SDK2: variants seen among roughly 807,000 people sequenced by gnomAD.
The protein encoded by SDK2 is sidekick cell adhesion molecule 2, also known as protein sidekick-2.
SDK2 carries 105 observed loss-of-function variants against 253.9 expected under a neutral mutation model. The ratio of observed to expected loss-of-function variants is 0.41; its 90% confidence interval spans 0.35 to 0.49. SDK2 has a LOEUF of 0.49. Among genes scored for constraint, SDK2 ranks in the 20% least tolerant of loss-of-function variants. The pLI is 0.06. For synonymous variants in SDK2, 1,249 were observed against 1,234.9 expected, an observed-to-expected ratio of 1.01 and a Z score of -0.24; for missense variants, 2,608 against 3,003.0, an observed-to-expected ratio of 0.87 and a Z score of 3.07.
chr17:73,335,651 G>C lies in SDK2; in HGVS notation c.*2936C>G, dbSNP rs1172711840. 1 of 152,266 alleles carries C rather than the reference G, an allele frequency of 6.6e-6. No homozygotes were observed. The highest frequency in any genetic ancestry group is 1.9e-4 in the East Asian group (1 of 5,198). 9.4% of individuals were successfully genotyped at this position (152,266 alleles called of 1,614,324 possible). On this transcript the variant is annotated 3_prime_UTR_variant, in exon 45 of 45. Transcript: ENST00000392650. Reference sequence around the variant, plus strand: ...TTCCAGATGAGTGGGTATTGACTAAGTGTGGGACTTTCACCATGGGCCCAG... The same window carrying C: ...TTCCAGATGAGTGGGTATTGACTAACTGTGGGACTTTCACCATGGGCCCAG...
intron 16 of SDK2, among the ~76,000 whole-genome samples, chr17:73,416,257 C>T (rs1023089631): frequency 2.8e-5 from 4 of 142,292 alleles, no homozygotes; most frequent in Non-Finnish European, 4.5e-5. Context: ...AGCGCAGTGG[C>T]GCAATCTCGG....
chr17:73,352,641 C>T lies in SDK2; in HGVS notation c.5594-4G>A, dbSNP rs138870611. 1.2e-4 allele frequency: 197 copies of T among 1,613,472 alleles called. 1 individual carries two copies. In the African/African-American group the frequency reaches 2.4e-3, roughly 19 times the overall value. On this transcript the variant is annotated splice_polypyrimidine_tract_variant and splice_region_variant and intron_variant, in intron 40 of 44. Coordinates refer to ENST00000392650, the MANE Select transcript of SDK2 (RefSeq NM_001144952.2). The surrounding 1 kb of genome is among the most constrained non-coding windows in gnomAD (Gnocchi z 4.1). Reference sequence around the variant, plus strand: ...AGGATGTCCCATAGTCCCTCGTCTGCAGGAGCACAGAGATGGAGGCCCTGG... The same window carrying T: ...AGGATGTCCCATAGTCCCTCGTCTGTAGGAGCACAGAGATGGAGGCCCTGG...
At chr17:73,362,288 A>C (rs1232458740) in intron 38 of SDK2, among the ~76,000 whole-genome samples, 1 of 152,120 alleles carries the variant, frequency 6.6e-6, no homozygotes, top group Non-Finnish European at 1.5e-5. Context: ...AAATACCAAA[A>C]GCCCAGAGTT....
In SDK2 at chr17:73,570,687, C is replaced by G. The variant is rs866790328; in HGVS notation, c.65-63090G>C. On this transcript the variant is annotated intron_variant, in intron 1 of 44. Coordinates refer to ENST00000392650, the MANE Select transcript of SDK2 (RefSeq NM_001144952.2). The surrounding 1 kb of genome is among the most constrained non-coding windows in gnomAD (Gnocchi z 4.2). The stretch of plus-strand genomic sequence containing the variant: ...TGTTTTACAGATGGGAAGGCTGAGG[C>G]TCAGAGAAGATCAAGTCCTTGCCCG... Among the ~76,000 whole-genome samples the G allele has an allele frequency of 5.9e-5, 9 of 152,334 alleles. No homozygotes were observed. The highest frequency in any genetic ancestry group is 1.9e-4 in the African/African-American group (8 of 41,582).
At chr17:73,339,759 G>GT (rs1404148310) in intron 44 of SDK2, among the ~76,000 whole-genome samples, 1 of 152,264 alleles carries the variant, frequency 6.6e-6, no homozygotes, top group East Asian at 1.9e-4. Context: ...CTCTCCTTAT[G>GT]TTGCCCAGGC....
At chr17:73,350,619 C>A in intron 42 of SDK2, 31 bp downstream of exon 42, 3 of 1,597,878 alleles carry the variant, frequency 1.9e-6, no homozygotes, top group Non-Finnish European at 2.6e-6. Context: ...AACTCAAGTC[C>A]AGCCAGCATG....
chr17:73,357,084 C>A (rs2062598111), intron 40 of SDK2, among the ~76,000 whole-genome samples: 1 of 152,214 alleles, frequency 6.6e-6, no homozygotes, highest in South Asian at 2.1e-4. Flanking sequence ...GCCCCGCATG[C>A]ATCCTCCGGC....
At chr17:73,386,225 G>C (rs921877748) in intron 31 of SDK2, among the ~76,000 whole-genome samples, 1 of 152,216 alleles carries the variant, frequency 6.6e-6, no homozygotes, top group Non-Finnish European at 1.5e-5. Flanking sequence ...TGTGGGACAG[G>C]AGGAATACGC....
chr17:73,626,312 G>T (rs886414024), intron 1 of SDK2, among the ~76,000 whole-genome samples: 11 of 152,176 alleles, frequency 7.2e-5, no homozygotes, highest in African/African-American at 2.7e-4. Context: ...GAGGACAGGG[G>T]CCAGTTGTCT....
At chr17:73,400,551 C>T (rs1327858467) in intron 21 of SDK2, among the ~76,000 whole-genome samples, 2 of 152,126 alleles carry the variant, frequency 1.3e-5, no homozygotes, top group Non-Finnish European at 2.9e-5. Context: ...GACCTGGGAT[C>T]CCAGGGATTC....
intron 1 of SDK2, among the ~76,000 whole-genome samples, chr17:73,611,393 G>C (rs1159474148): frequency 2.0e-5 from 3 of 152,202 alleles, no homozygotes; most frequent in Admixed American, 6.5e-5. Flanking sequence ...GCACGCCCCA[G>C]GGCCACTCAG....
In SDK2 at chr17:73,467,556, C is replaced by T. The variant is rs1415203242; in HGVS notation, c.331+4556G>A. ...GGCCCAGAATCCCAGGGAAGTGGGGCTGGGACAGAGGATTCTTCAGCTTCT... is the reference window on the plus strand; with the variant it reads ...GGCCCAGAATCCCAGGGAAGTGGGGTTGGGACAGAGGATTCTTCAGCTTCT... On this transcript the variant is annotated intron_variant, in intron 3 of 44. Coordinates refer to ENST00000392650, the MANE Select transcript of SDK2 (RefSeq NM_001144952.2). This position sits in a 1 kb window ranked among gnomAD's most constrained non-coding sequence, Gnocchi z 4.1. Among the ~76,000 whole-genome samples, 1 of 152,090 alleles carries T rather than the reference C, an allele frequency of 6.6e-6. No individual in the cohort carries two copies. The highest frequency in any genetic ancestry group is 1.5e-5 in the Non-Finnish European group (1 of 68,012).
chr17:73,423,596 T>C, intron 13 of SDK2, 74 bp from the exon 14 acceptor site: 1 of 1,427,202 alleles, frequency 7.0e-7, no homozygotes, highest in Admixed American at 2.5e-5. Context: ...TGGACACAGG[T>C]TGTGTAGGCC....
Position 73,438,174 on chromosome 17 carries a change from G to T in SDK2, c.726-20C>A. 1 of 1,544,556 alleles carries T rather than the reference G, an allele frequency of 6.5e-7. No individual in the cohort carries two copies. Among genetic ancestry groups the T allele is most frequent in the Non-Finnish European group, 8.8e-7 (1 of 1,141,984 alleles). On this transcript the variant is annotated intron_variant, in intron 6 of 44. Coordinates refer to ENST00000392650, the MANE Select transcript of SDK2 (RefSeq NM_001144952.2). ...AGGGGCCTGCAGAGGGCAAGGGAAG[G>T]CCAGTGTTCAGCCATGAGGACTCCC...
At chr17:73,566,709 G>A (rs1290506282) in intron 1 of SDK2, among the ~76,000 whole-genome samples, 1 of 152,080 alleles carries the variant, frequency 6.6e-6, no homozygotes, top group African/African-American at 2.4e-5. Flanking sequence ...CTGTGTCTAT[G>A]GCTTAGGGCT....
intron 1 of SDK2, among the ~76,000 whole-genome samples, chr17:73,597,626 G>C (rs1210793532): frequency 6.6e-6 from 1 of 151,440 alleles, no homozygotes; most frequent in Non-Finnish European, 1.5e-5. Context: ...TTTTCACTGT[G>C]TGCTTCTGGA....
intron 1 of SDK2, among the ~76,000 whole-genome samples, chr17:73,583,458 A>G (rs1479093712): frequency 1.3e-5 from 2 of 151,984 alleles, no homozygotes; most frequent in African/African-American, 4.8e-5. Context: ...GATGCATCCC[A>G]TCTCTATTCT....
intron 13 of SDK2, 144 bp downstream of exon 13, chr17:73,423,772 G>A: frequency 1.3e-6 from 1 of 786,482 alleles, no homozygotes; most frequent in Non-Finnish European, 2.0e-6. Context: ...CTGGAAGGAT[G>A]CTGGGGGTAT....
chr17:73,526,240 G>C (rs2064124314), intron 1 of SDK2, among the ~76,000 whole-genome samples: 1 of 152,200 alleles, frequency 6.6e-6, no homozygotes, highest in African/African-American at 2.4e-5. Context: ...GATGGGGCTG[G>C]AGGGTGCAGG....
Sources: allele counts gnomAD v4.1 joint callset (sites outside exome capture counted in the v4.1 genomes callset), GRCh38; gene constraint gnomAD v4.1.1; non-coding constraint Gnocchi (gnomAD v3.1); transcripts MANE v1.5; gene names NCBI Gene and HGNC (gene_info 2026-07-23, HGNC 2026-07-21).